LPIN1: variants seen among roughly 807,000 people sequenced by gnomAD.
LPIN1 encodes the protein phosphatidate phosphatase LPIN1.
LPIN1 carries 71 observed loss-of-function variants against 107.5 expected under a neutral mutation model. That is an observed-to-expected ratio of 0.66 (90% CI 0.55 to 0.80). The LOEUF (loss-of-function observed/expected upper bound fraction) is 0.80, where lower values mean the gene tolerates loss of function less well. Among genes scored for constraint, LPIN1 ranks in the 30% least tolerant of loss-of-function variants. LPIN1 has a pLI of 0.00. For missense variants in LPIN1, 1,043 were observed against 1,160.6 expected, an observed-to-expected ratio of 0.90 and a Z score of 1.47; for synonymous variants, 445 against 452.6, an observed-to-expected ratio of 0.98 and a Z score of 0.21.
chr2:11,824,663 G>GT lies in LPIN1; in HGVS notation c.2657dup (p.Leu888ValfsTer18). 6.2e-7 allele frequency: 1 copy of GT among 1,614,018 alleles called. No individual in the cohort carries two copies. The highest frequency in any genetic ancestry group is 8.5e-7 in the Non-Finnish European group (1 of 1,180,000). The stretch of plus-strand genomic sequence containing the variant: ...GAGACTCTGTGAAGTAGTCGACCAC[G>GT]TTTTCCCGTTGCTGAAAAGAAGCCA... On this transcript the variant is annotated frameshift_variant, in exon 21 of 21. Transcript: ENST00000674199. LOFTEE classifies it high-confidence loss of function.
chr2:11,776,111 GC>G lies in LPIN1; in HGVS notation c.752del (p.Pro251LeufsTer76). On this transcript the variant is annotated frameshift_variant, in exon 6 of 21. Transcript: ENST00000674199. LOFTEE classifies it high-confidence loss of function. ...TAGCCTGGTAGATTGCAAAAGGACT[GC>G]CCCTCATCTTGCAGTTGCGGCCGAG... ...PSSLVDCKRT[A>X]PHLAVAAEGG... 1 of 1,548,294 alleles carries G rather than the reference GC, an allele frequency of 6.5e-7. No homozygotes were observed. Among genetic ancestry groups the G allele is most frequent in the Non-Finnish European group, 8.7e-7 (1 of 1,145,540 alleles).
chr2:11,751,085 C>G (rs560972453), intron 1 of LPIN1, among the ~76,000 whole-genome samples: 3 of 152,182 alleles, frequency 2.0e-5, no homozygotes, highest in Non-Finnish European at 2.9e-5. Context: ...GTTGTCATAC[C>G]ATATTTAGAT....
chr2:11,737,494 G>A (rs918772268), intron 1 of LPIN1, among the ~76,000 whole-genome samples: 1 of 152,038 alleles, frequency 6.6e-6, no homozygotes, highest in African/African-American at 2.4e-5. Flanking sequence ...ACCTGACAAA[G>A]GTCTGATACC....
intron 1 of LPIN1, among the ~76,000 whole-genome samples, chr2:11,759,174 TTTCTTTCTTTCTTTCTTTTC>T (rs1210357176): frequency 6.8e-6 from 1 of 146,772 alleles, no homozygotes. Flanking sequence ...TCTTTCTTTC[TTTCTTTCTTTCTTTCTTTTC>T]TTTCTTTCTT....
intron 1 of LPIN1, among the ~76,000 whole-genome samples, chr2:11,689,091 G>C (rs1489898721): frequency 6.6e-6 from 1 of 152,218 alleles, no homozygotes; most frequent in Non-Finnish European, 1.5e-5. Context: ...GAAGTGCTTC[G>C]AAAATGAACA....
Position 11,774,739 on chromosome 2 carries a change from C to T in LPIN1, c.722+994C>T, listed in dbSNP as rs1672388122. Among the ~76,000 whole-genome samples the T allele has an allele frequency of 6.6e-6, 1 of 152,064 alleles. No homozygotes were observed. Among genetic ancestry groups the T allele is most frequent in the South Asian group, 2.1e-4 (1 of 4,820 alleles). On this transcript the variant is annotated intron_variant, in intron 5 of 20. Coordinates refer to ENST00000674199, the MANE Select transcript of LPIN1 (RefSeq NM_001349206.2). The surrounding 1 kb of genome is among the most constrained non-coding windows in gnomAD (Gnocchi z 4.4). The stretch of plus-strand genomic sequence containing the variant: ...CTTGTGAATTAGCAAGCAGCAGTCC[C>T]CAGTGTGTGCTGACATGGAGGTTGG...
intron 14 of LPIN1, among the ~76,000 whole-genome samples, chr2:11,801,808 T>C (rs1677793136): frequency 6.6e-6 from 1 of 152,236 alleles, no homozygotes; most frequent in African/African-American, 2.4e-5. Flanking sequence ...ATGGATATGC[T>C]AATTACCCTG....
chr2:11,680,093 G>T (rs141852262), intron 1 of LPIN1, among the ~76,000 whole-genome samples: 1 of 152,200 alleles, frequency 6.6e-6, no homozygotes, highest in African/African-American at 2.4e-5. Flanking sequence ...GCAGGCCCCC[G>T]ATGGACTGAC....
intron 17 of LPIN1, chr2:11,805,363 G>C: frequency 1.6e-6 from 1 of 642,548 alleles, no homozygotes; most frequent in Non-Finnish European, 2.8e-6. Flanking sequence ...TCAATACCAA[G>C]AAACAAGGGG....
At chr2:11,716,325 G>A (rs1034669782) in intron 2 of LPIN1, among the ~76,000 whole-genome samples, 2 of 152,102 alleles carry the variant, frequency 1.3e-5, no homozygotes, top group African/African-American at 4.8e-5. Context: ...GGAATGTTTA[G>A]TAATGAGAAA....
rs924692365 is a variant in LPIN1 at position 11,771,332 on chromosome 2, ATTAACGAGGCTCTTT to A, written c.289-36_289-22del. On this transcript the variant is annotated intron_variant, in intron 3 of 20. Coordinates refer to ENST00000674199, the MANE Select transcript of LPIN1 (RefSeq NM_001349206.2). This position sits in a 1 kb window ranked among gnomAD's most constrained non-coding sequence, Gnocchi z 4.8. ...GCAAGGCCCTGCTTCTTATACCTGA[ATTAACGAGGCTCTTT>A]TTAGAAAATGTGTTCTTTTCTTAGG... The A allele has an allele frequency of 6.2e-7, 1 of 1,605,086 alleles. No individual in the cohort carries two copies. Among genetic ancestry groups the A allele is most frequent in the African/African-American group, 1.3e-5 (1 of 74,852 alleles).
intron 17 of LPIN1, among the ~76,000 whole-genome samples, chr2:11,814,775 G>A (rs1680289966): frequency 6.6e-6 from 1 of 152,100 alleles, no homozygotes; most frequent in African/African-American, 2.4e-5. Context: ...CTCAAGCGCA[G>A]GCAGGTGAGC....
intron 1 of LPIN1, among the ~76,000 whole-genome samples, chr2:11,691,084 G>GTTTTT (rs59865645): frequency 2.1e-5 from 3 of 140,582 alleles, no homozygotes; most frequent in African/African-American, 2.7e-5. Context: ...TCTTGTTGTG[G>GTTTTT]TTTTTTTTTT....
At position 11,707,771 on chromosome 2, in the gene LPIN1, C is replaced by A. The variant is rs913608812; in HGVS notation, c.82-5985C>A. ...CTGTCCCAACCAAGCGCTGCTGCTT[C>A]TGTGAGCACCACAGGTGCTCACCTG... is the stretch of plus-strand genomic sequence containing the variant. On this transcript the variant is annotated intron_variant, in intron 1 of 21. Transcript: ENST00000449576. The surrounding 1 kb of genome is among the most constrained non-coding windows in gnomAD (Gnocchi z 4.2). Among the ~76,000 whole-genome samples, 1 of 152,172 alleles carries A rather than the reference C, an allele frequency of 6.6e-6. No homozygotes were observed. The highest frequency in any genetic ancestry group is 2.4e-5 in the African/African-American group (1 of 41,450).
intron 18 of LPIN1, chr2:11,816,005 T>A (rs1680515118): frequency 6.6e-6 from 1 of 152,230 alleles, no homozygotes; most frequent in Admixed American, 6.5e-5. Flanking sequence ...GAAGGCTGAT[T>A]GTAAATATCA....
chr2:11,826,343 G>A lies in LPIN1; in HGVS notation c.*1552G>A, dbSNP rs1330114314. ...CAAATGGTTCATGTGGACACACAAA[G>A]GCAAACAGATCTGCCATCGATCGCA... On this transcript the variant is annotated 3_prime_UTR_variant, in exon 21 of 21. Transcript: ENST00000674199. 1 of 152,492 alleles carries A rather than the reference G, an allele frequency of 6.6e-6. No individual in the cohort carries two copies. Among genetic ancestry groups the A allele is most frequent in the Non-Finnish European group, 1.5e-5 (1 of 68,020 alleles). The allele number at this position is 152,492 out of a possible 1,614,324, so 9.4% of individuals were successfully genotyped here.
chr2:11,692,642 C>T (rs1393358699), intron 1 of LPIN1, among the ~76,000 whole-genome samples: 1 of 146,920 alleles, frequency 6.8e-6, no homozygotes, highest in Non-Finnish European at 1.5e-5. Context: ...TCCTTCTTTC[C>T]TCCCCCACCT....
At chr2:11,809,519 C>T (rs183186548) in intron 17 of LPIN1, among the ~76,000 whole-genome samples, 13 of 152,104 alleles carry the variant, frequency 8.5e-5, no homozygotes, top group South Asian at 4.1e-4. Context: ...CAGGTTCAAG[C>T]GATTCTCCTG....
intron 14 of LPIN1, among the ~76,000 whole-genome samples, chr2:11,797,449 A>G (rs766735256): frequency 2.0e-5 from 3 of 152,236 alleles, no homozygotes; most frequent in Non-Finnish European, 2.9e-5. Context: ...TGTTGGCTGA[A>G]TGCAGGATGT....
Sources: allele counts gnomAD v4.1 joint callset (sites outside exome capture counted in the v4.1 genomes callset), GRCh38; gene constraint gnomAD v4.1.1; non-coding constraint Gnocchi (gnomAD v3.1); transcripts MANE v1.5; gene names NCBI Gene and HGNC (gene_info 2026-07-23, HGNC 2026-07-21).